ARMH4: variants seen among roughly 807,000 people sequenced by gnomAD.
ARMH4 encodes the protein armadillo like helical domain containing 4.
In ARMH4, 49 loss-of-function variants were observed where a neutral mutation model predicts 61.9. The ratio of observed to expected loss-of-function variants is 0.79; its 90% CI spans 0.63 to 1.00. The LOEUF (loss-of-function observed/expected upper bound fraction) is 1.00. Ranked by LOEUF, ARMH4 falls within the 50% of genes least tolerant of loss-of-function variation. The pLI is 0.00. For missense variants in ARMH4, 934 were observed against 930.0 expected, an observed-to-expected ratio of 1.00 and a Z score of -0.06; for synonymous variants, 368 against 341.5, an observed-to-expected ratio of 1.08 and a Z score of -0.85.
At chr14:58,045,690 C>T (rs993832009) in intron 5 of ARMH4, among the ~76,000 whole-genome samples, 2 of 151,460 alleles carry the variant, frequency 1.3e-5, no homozygotes, top group African/African-American at 4.9e-5. Flanking sequence ...AACCCTCAGT[C>T]CCTCAGAATG....
Position 58,135,786 on chromosome 14 carries a change from G to A in ARMH4, c.1369+2204C>T, listed in dbSNP as rs371382188. Among the ~76,000 whole-genome samples the A allele has an allele frequency of 3.4e-4, 51 of 152,194 alleles. 2 individuals are homozygous for A. Among genetic ancestry groups the A allele is most frequent in the Admixed American group, 1.2e-3 (19 of 15,290 alleles). ...CATTGCATATTCTGAAGAAGATAAT[G>A]TCCTAAGTGGTCCCTGGACTCTAAA... On this transcript the variant is annotated intron_variant, in intron 2 of 7. Transcript: ENST00000267485.
chr14:58,043,172 T>C (rs1388695280), intron 5 of ARMH4, among the ~76,000 whole-genome samples: 5 of 152,138 alleles, frequency 3.3e-5, no homozygotes, highest in African/African-American at 1.2e-4. Flanking sequence ...TTTAGACCAA[T>C]ATCCCTGAAG....
chr14:58,039,430 C>T (rs1362479247), intron 5 of ARMH4, among the ~76,000 whole-genome samples: 1 of 152,192 alleles, frequency 6.6e-6, no homozygotes, highest in Non-Finnish European at 1.5e-5. Context: ...AATGGATATT[C>T]TGAAGATATT....
At chr14:58,070,361 A>G (rs1267326984) in intron 5 of ARMH4, among the ~76,000 whole-genome samples, 4 of 152,200 alleles carry the variant, frequency 2.6e-5, no homozygotes, top group Non-Finnish European at 1.5e-5. Context: ...GGGTTTCTAC[A>G]TGCTGACCTC....
intron 5 of ARMH4, among the ~76,000 whole-genome samples, chr14:58,084,107 G>C (rs1885310772): frequency 6.6e-6 from 1 of 152,166 alleles, no homozygotes; most frequent in Non-Finnish European, 1.5e-5. Flanking sequence ...GGGATCCCAG[G>C]ACAGTCCTGG....
At chr14:58,005,408 T>C (rs1236340974) in intron 6 of ARMH4, among the ~76,000 whole-genome samples, 1 of 152,184 alleles carries the variant, frequency 6.6e-6, no homozygotes, top group Non-Finnish European at 1.5e-5. Flanking sequence ...AGTATTGAAA[T>C]AAATCAGCCA....
In ARMH4 at chr14:58,005,144, A is replaced by C. The variant is rs1479061181; in HGVS notation, c.2160T>G (p.Val720=). ...YMSGMLVPVG[V]GIAGALFILG... ...AGATGAACAAGGCTCCAGCTATCCC[A>C]ACCCCTACAGGCACCAGCATCCCAG... Residue 720 remains valine, a synonymous_variant, in exon 7 of 8, where the codon GTT becomes GTG. Coordinates refer to ENST00000267485, the MANE Select transcript of ARMH4 (RefSeq NM_001001872.4). 1.2e-6 allele frequency: 2 copies of C among 1,613,864 alleles called. No individual in the cohort carries two copies. The highest frequency in any genetic ancestry group is 2.7e-5 in the African/African-American group (2 of 74,888).
intron 5 of ARMH4, among the ~76,000 whole-genome samples, chr14:58,043,039 G>T (rs1372024092): frequency 6.6e-6 from 1 of 152,178 alleles, no homozygotes; most frequent in Admixed American, 6.5e-5. Context: ...GGAGGAGGTG[G>T]TACCATTCCT....
At chr14:58,119,389 C>G (rs1886643820) in intron 4 of ARMH4, among the ~76,000 whole-genome samples, 1 of 152,182 alleles carries the variant, frequency 6.6e-6, no homozygotes, top group African/African-American at 2.4e-5. Context: ...CATGTTTGCA[C>G]CAATCAAAGA....
intron 5 of ARMH4, among the ~76,000 whole-genome samples, chr14:58,060,042 C>A (rs1332577652): frequency 6.6e-6 from 1 of 152,134 alleles, no homozygotes; most frequent in African/African-American, 2.4e-5. Context: ...CACCCTAGAA[C>A]CTGCAAAAAG....
intron 5 of ARMH4, among the ~76,000 whole-genome samples, chr14:58,049,838 G>A (rs1884076088): frequency 6.6e-6 from 1 of 152,194 alleles, no homozygotes; most frequent in African/African-American, 2.4e-5. Flanking sequence ...ATGATGGTGT[G>A]ACACAGTAAG....
chr14:58,004,760 G>A lies in ARMH4; in HGVS notation c.2301C>T (p.Ala767=), dbSNP rs767995153. 10 of 1,608,988 alleles carry A rather than the reference G, an allele frequency of 6.2e-6. No homozygotes were observed. Among genetic ancestry groups the A allele is most frequent in the African/African-American group, 2.7e-5 (2 of 74,754 alleles). ...NSMQDRVMLL[A]DSSEDEF is the part of the protein sequence containing the mutation. ...TTCAAAATTCATCTTCAGAGCTGTC[G>A]GCTAAGAGCATTACTCGATCTTGCA... is the stretch of plus-strand genomic sequence containing the variant. Residue 767 remains alanine (A), a synonymous_variant, in exon 8 of 8, where the codon GCC becomes GCT. Coordinates refer to ENST00000267485, the MANE Select transcript of ARMH4 (RefSeq NM_001001872.4).
At position 58,139,249 on chromosome 14, in the gene ARMH4, A is replaced by C; in HGVS notation, c.110T>G (p.Ile37Arg). Reference sequence around the variant, plus strand: ...CCCTTTTTCCGCATGAACATGTGCTATCTCCCTCCTCCTTTCTATTTTGGG... The same window carrying C: ...CCCTTTTTCCGCATGAACATGTGCTCTCTCCCTCCTCCTTTCTATTTTGGG... ...AFPKIERRREIAHVHAEKGQS... is the reference protein window; with the variant it reads ...AFPKIERRRERAHVHAEKGQS... The change falls in exon 2 of 8, where the codon ATA becomes AGA. Residue 37 changes from isoleucine (I) to arginine (R), a missense_variant. Transcript: ENST00000267485. 2 of 1,614,142 alleles carry C rather than the reference A, an allele frequency of 1.2e-6. No individual in the cohort carries two copies. The highest frequency in any genetic ancestry group is 1.7e-6 in the Non-Finnish European group (2 of 1,180,024).
Position 58,028,296 on chromosome 14 carries a change from T to G in ARMH4, c.2090-16146A>C, listed in dbSNP as rs116074351. Among the ~76,000 whole-genome samples, 1,185 of 152,354 alleles carry G rather than the reference T, an allele frequency of 7.8e-3. 20 individuals are homozygous for G. The highest frequency in any genetic ancestry group is 0.027 in the African/African-American group (1,111 of 41,584). ...CATGGGAATCCTGTACACCCTGAAT[T>G]GCAGCAGTGTCACTACAAATGAACA... On this transcript the variant is annotated intron_variant, in intron 5 of 7. Transcript: ENST00000267485.
At chr14:58,045,194 A>G (rs1441188263) in intron 5 of ARMH4, among the ~76,000 whole-genome samples, 2 of 152,208 alleles carry the variant, frequency 1.3e-5, no homozygotes, top group Non-Finnish European at 2.9e-5. Flanking sequence ...TCACAATAGC[A>G]AAGACCTGGA....
chr14:58,102,850 G>C (rs1375928312), intron 4 of ARMH4, among the ~76,000 whole-genome samples: 2 of 145,196 alleles, frequency 1.4e-5, no homozygotes, highest in African/African-American at 2.5e-5. Flanking sequence ...GAGTAAGGCA[G>C]AGGTCAGGCA....
intron 5 of ARMH4, among the ~76,000 whole-genome samples, chr14:58,076,816 C>G (rs1470765090): frequency 6.6e-6 from 1 of 152,134 alleles, no homozygotes; most frequent in Non-Finnish European, 1.5e-5. Flanking sequence ...CTTGAGTGTT[C>G]ATGAGCTATT....
At chr14:58,068,343 A>G (rs1415855601) in intron 5 of ARMH4, among the ~76,000 whole-genome samples, 1 of 152,104 alleles carries the variant, frequency 6.6e-6, no homozygotes. Flanking sequence ...TTCAATGACT[A>G]GAGTAATTGC....
intron 5 of ARMH4, among the ~76,000 whole-genome samples, chr14:58,043,453 C>T (rs967567892): frequency 2.0e-5 from 3 of 152,142 alleles, no homozygotes; most frequent in South Asian, 2.1e-4. Flanking sequence ...TGGGACGTAT[C>T]TCAAAATAAT....
Sources: allele counts gnomAD v4.1 joint callset (sites outside exome capture counted in the v4.1 genomes callset), GRCh38; gene constraint gnomAD v4.1.1; transcripts MANE v1.5; gene names NCBI Gene and HGNC (gene_info 2026-07-23, HGNC 2026-07-21).